FUT9: variants seen among roughly 807,000 people sequenced by gnomAD.
FUT9 encodes 4-galactosyl-N-acetylglucosaminide 3-alpha-L-fucosyltransferase 9.
In FUT9, 15 loss-of-function variants were observed where a neutral mutation model predicts 29.7. That is an observed-to-expected ratio of 0.51 (90% CI 0.34 to 0.78). The LOEUF is 0.78. Ranked by LOEUF, FUT9 falls within the 30% of genes least tolerant of loss-of-function variation. The probability of loss-of-function intolerance (pLI) is 0.01; values close to 1 mark genes in which losing one functional copy is unlikely to be tolerated. For missense variants in FUT9, 319 were observed against 425.4 expected, an observed-to-expected ratio of 0.75 and a Z score of 2.20; for synonymous variants, 169 against 153.7, an observed-to-expected ratio of 1.10 and a Z score of -0.74.
intron 1 of FUT9, among the ~76,000 whole-genome samples, chr6:96,108,564 C>G (rs1223046001): frequency 6.6e-6 from 1 of 152,094 alleles, no homozygotes; most frequent in Non-Finnish European, 1.5e-5. Flanking sequence ...GAGAATCAAG[C>G]TCTCAGCATG....
chr6:96,204,669 G>T lies in FUT9; in HGVS notation c.*434G>T, dbSNP rs1437701160. On this transcript the variant is annotated 3_prime_UTR_variant, in exon 3 of 3. Transcript: ENST00000302103. ...AACTTTGCATACTATAACAGAGGAAGAACATGTTGCGATTGAATTCTAACC... is the reference window on the plus strand; with the variant it reads ...AACTTTGCATACTATAACAGAGGAATAACATGTTGCGATTGAATTCTAACC... The T allele has an allele frequency of 6.0e-6, 1 of 167,186 alleles. No individual in the cohort carries two copies. 10.4% of individuals were successfully genotyped at this position (167,186 alleles called of 1,614,324 possible).
chr6:96,167,817 A>G (rs1330576197), intron 2 of FUT9, among the ~76,000 whole-genome samples: 1 of 152,172 alleles, frequency 6.6e-6, no homozygotes, highest in Non-Finnish European at 1.5e-5. Flanking sequence ...AATAGCTTGT[A>G]CGTGACCTAG....
intron 2 of FUT9, among the ~76,000 whole-genome samples, chr6:96,158,187 G>A (rs1463557107): frequency 6.6e-6 from 1 of 151,848 alleles, no homozygotes; most frequent in Non-Finnish European, 1.5e-5. Context: ...ATAAATAAAG[G>A]GACACACTCT....
At chr6:96,137,119 C>A (rs1358413299) in intron 2 of FUT9, among the ~76,000 whole-genome samples, 1 of 151,704 alleles carries the variant, frequency 6.6e-6, no homozygotes, top group Non-Finnish European at 1.5e-5. Flanking sequence ...TAATTCCAGG[C>A]ATATTATGAG....
intron 2 of FUT9, among the ~76,000 whole-genome samples, chr6:96,149,723 A>C (rs1469389517): frequency 1.3e-5 from 2 of 152,172 alleles, no homozygotes; most frequent in Non-Finnish European, 1.5e-5. Context: ...ATTATTGTAG[A>C]TATATAATAG....
chr6:96,022,195 C>A (rs550301865), intron 1 of FUT9, among the ~76,000 whole-genome samples: 6 of 152,090 alleles, frequency 3.9e-5, no homozygotes, highest in African/African-American at 1.4e-4. Context: ...TGTAGAGAGC[C>A]AACTGAGCTA....
chr6:96,194,607 G>A (rs1773584897), intron 2 of FUT9, among the ~76,000 whole-genome samples: 1 of 152,066 alleles, frequency 6.6e-6, no homozygotes, highest in South Asian at 2.1e-4. Context: ...AGATGTCACT[G>A]GGTTAGTTGC....
chr6:96,078,719 C>G (rs1023333527), intron 1 of FUT9, among the ~76,000 whole-genome samples: 17 of 151,850 alleles, frequency 1.1e-4, no homozygotes, highest in African/African-American at 3.9e-4. Context: ...CGCACCCGGC[C>G]CATATTAGAG....
intron 2 of FUT9, among the ~76,000 whole-genome samples, chr6:96,118,693 G>A (rs1306586252): frequency 6.6e-6 from 1 of 152,122 alleles, no homozygotes; most frequent in Admixed American, 6.5e-5. Context: ...TCTTTCAGGA[G>A]GTATTCCAGA....
intron 1 of FUT9, among the ~76,000 whole-genome samples, chr6:96,049,031 C>T (rs1770616521): frequency 6.6e-6 from 1 of 152,046 alleles, no homozygotes. Flanking sequence ...GTTGTGAGTT[C>T]CTACATGTAA....
At chr6:96,110,670 A>T (rs763665809) in intron 1 of FUT9, among the ~76,000 whole-genome samples, 2 of 151,750 alleles carry the variant, frequency 1.3e-5, no homozygotes, top group African/African-American at 4.8e-5. Flanking sequence ...CTTTTTTCCT[A>T]TTGTGCATTT....
intron 1 of FUT9, among the ~76,000 whole-genome samples, chr6:96,030,086 G>A (rs1354603425): frequency 2.0e-5 from 3 of 151,546 alleles, no homozygotes; most frequent in African/African-American, 7.3e-5. Context: ...TTGATAGAAT[G>A]AGTCGAAATC....
intron 2 of FUT9, among the ~76,000 whole-genome samples, chr6:96,114,634 A>G (rs1771876086): frequency 6.6e-6 from 1 of 151,112 alleles, no homozygotes; most frequent in African/African-American, 2.4e-5. Context: ...ATATATTCAT[A>G]TATGTAATTT....
chr6:96,094,661 T>C (rs971815394), intron 1 of FUT9, among the ~76,000 whole-genome samples: 5 of 152,174 alleles, frequency 3.3e-5, no homozygotes, highest in African/African-American at 9.6e-5. Flanking sequence ...CAAAAAGTTC[T>C]GACAATGTTT....
intron 2 of FUT9, among the ~76,000 whole-genome samples, chr6:96,118,481 G>A (rs1010985880): frequency 2.6e-5 from 4 of 152,178 alleles, no homozygotes; most frequent in Non-Finnish European, 5.9e-5. Context: ...CAACTCACAT[G>A]TTTGTGATGA....
At position 96,203,724 on chromosome 6, in the gene FUT9, G is replaced by A; in HGVS notation, c.569G>A (p.Cys190Tyr). 6.2e-7 allele frequency: 1 copy of A among 1,614,044 alleles called. No individual in the cohort carries two copies. Among genetic ancestry groups the A allele is most frequent in the African/African-American group, 1.3e-5 (1 of 75,040 alleles). Reference protein sequence around the residue: ...FEVPSKEKLVCWVVSNWNPEH... With the variant: ...FEVPSKEKLVYWVVSNWNPEH... The stretch of plus-strand genomic sequence containing the variant: ...GTGCCAAGCAAAGAGAAATTGGTGT[G>A]CTGGGTTGTGAGTAACTGGAACCCT... Residue 190 changes from cysteine (C) to tyrosine (Y), a missense_variant, in exon 3 of 3, where the codon TGC (cysteine) becomes TAC (tyrosine). Physicochemically the swap from Cys to Tyr is radical, Grantham distance 194 (BLOSUM62 -2). Transcript: ENST00000302103.
chr6:96,178,780 T>C (rs1383797259), intron 2 of FUT9, among the ~76,000 whole-genome samples: 1 of 152,118 alleles, frequency 6.6e-6, no homozygotes, highest in Admixed American at 6.6e-5. Flanking sequence ...TCTTTACCTA[T>C]CATTATGTTA....
At chr6:96,037,141 G>A (rs1770377481) in intron 1 of FUT9, 1 of 151,942 alleles carries the variant, frequency 6.6e-6, no homozygotes, top group Non-Finnish European at 1.5e-5. Flanking sequence ...GTGGGTATGG[G>A]CATTTTTTTA....
intron 1 of FUT9, among the ~76,000 whole-genome samples, chr6:96,075,131 T>C (rs1771122854): frequency 6.6e-6 from 1 of 152,138 alleles, no homozygotes; most frequent in South Asian, 2.1e-4. Context: ...TAGATGTGTG[T>C]GTGCGTGTGT....
Sources: gnomAD v4.1 joint callset for allele counts (sites outside exome capture counted in the v4.1 genomes callset) on GRCh38, gnomAD v4.1.1 for gene constraint, MANE v1.5 for transcripts, NCBI Gene and HGNC (gene_info 2026-07-23, HGNC 2026-07-21) for gene names.